SHANK2: variants seen among roughly 807,000 people sequenced by gnomAD.
SHANK2 encodes SH3 and multiple ankyrin repeat domains protein 2.
Under a neutral mutation model 133.7 loss-of-function variants are expected in SHANK2, and 43 were observed. The ratio of observed to expected loss-of-function variants is 0.32; its 90% CI spans 0.25 to 0.41. The LOEUF is 0.41. Among genes scored for constraint, SHANK2 ranks in the 10% least tolerant of loss-of-function variants. The pLI is 1.00. For synonymous variants in SHANK2, 1,017 were observed against 952.8 expected (o/e 1.07, Z -1.24); for missense variants, 1,994 against 2,235.8 (o/e 0.89, Z 2.18).
chr11:71,215,088 A>G (rs1954378153), intron 2 of SHANK2, among the ~76,000 whole-genome samples: 1 of 152,176 alleles, frequency 6.6e-6, no homozygotes, highest in South Asian at 2.1e-4. Flanking sequence ...CACAGCCCAC[A>G]CGCTCACACC....
chr11:70,612,256 G>A (rs1398524746), intron 17 of SHANK2, among the ~76,000 whole-genome samples: 1 of 152,194 alleles, frequency 6.6e-6, no homozygotes, highest in African/African-American at 2.4e-5. Flanking sequence ...CTGGGCAGGA[G>A]AGAATCAGGG....
rs138262285 is a variant in SHANK2 at position 70,913,702 on chromosome 11, T to C, written c.1108-17135A>G. ...AAAGAGAAGATTCTGAGTTTAGACGTTGGCTCTAAACCCTGCCCCAGACTT... is the reference window on the plus strand; with the variant it reads ...AAAGAGAAGATTCTGAGTTTAGACGCTGGCTCTAAACCCTGCCCCAGACTT... On this transcript the variant is annotated intron_variant, in intron 10 of 25. Transcript: ENST00000601538. 4.0e-4 allele frequency among the ~76,000 whole-genome samples: 61 copies of C among 152,326 alleles called. 1 individual carries two copies. Among genetic ancestry groups the C allele is most frequent in the African/African-American group, 1.4e-3 (59 of 41,574 alleles).
At chr11:70,708,467 C>T (rs1945712109) in intron 14 of SHANK2, among the ~76,000 whole-genome samples, 1 of 152,192 alleles carries the variant, frequency 6.6e-6, no homozygotes, top group Admixed American at 6.5e-5. Context: ...AGTCCCCGCA[C>T]TCCCCCACCA....
At chr11:70,683,441 G>A (rs781836544) in intron 15 of SHANK2, among the ~76,000 whole-genome samples, 1 of 152,168 alleles carries the variant, frequency 6.6e-6, no homozygotes, top group Non-Finnish European at 1.5e-5. Flanking sequence ...GCCTTCTACC[G>A]ATGGTGCATC....
intron 15 of SHANK2, 46 bp downstream of exon 15, chr11:70,698,642 A>G: frequency 1.4e-6 from 1 of 718,428 alleles, no homozygotes; most frequent in East Asian, 2.7e-5. Context: ...GCACAGACGA[A>G]CAGCTTTGAC....
In SHANK2 at chr11:70,937,975, G is replaced by C. The variant is rs80327584; in HGVS notation, c.1108-41408C>G. On this transcript the variant is annotated intron_variant, in intron 10 of 25. Transcript: ENST00000601538. ...TGTGTGTGTGTGTGCATGTGTGAGC[G>C]TGATCTATCTTATTCTCTCCAGTTC... Among the ~76,000 whole-genome samples, 425 of 152,226 alleles carry C rather than the reference G, an allele frequency of 2.8e-3. 12 individuals are homozygous for C. In the East Asian group the frequency reaches 0.074, roughly 26 times the overall value.
At chr11:70,543,800 C>T (rs1284975686) in intron 17 of SHANK2, among the ~76,000 whole-genome samples, 6 of 152,196 alleles carry the variant, frequency 3.9e-5, no homozygotes, top group African/African-American at 1.2e-4. Flanking sequence ...CTGCAAAGGA[C>T]GTGGGGCCCA....
chr11:70,582,556 G>A (rs1337718447), intron 17 of SHANK2, among the ~76,000 whole-genome samples: 8 of 152,196 alleles, frequency 5.3e-5, no homozygotes, highest in Admixed American at 3.3e-4. Context: ...GCTAGGCAGC[G>A]GGAGGATACG....
At chr11:70,911,022 G>A (rs568325699) in intron 10 of SHANK2, 1 of 457,020 alleles carries the variant, frequency 2.2e-6, no homozygotes. Context: ...GAAACGAAGG[G>A]GGTGCTCCTG....
chr11:71,158,481 C>T (rs1341699122), intron 2 of SHANK2, among the ~76,000 whole-genome samples: 9 of 152,140 alleles, frequency 5.9e-5, no homozygotes, highest in African/African-American at 9.7e-5. Flanking sequence ...AAGGTAGACC[C>T]AAATAAATGA....
chr11:70,885,470 G>A (rs1027446578), intron 11 of SHANK2, among the ~76,000 whole-genome samples: 4 of 152,230 alleles, frequency 2.6e-5, no homozygotes, highest in South Asian at 2.1e-4. Flanking sequence ...GAGTCAGTGC[G>A]GCCAGGGACT....
At chr11:70,744,994 G>A (rs1591807240) in intron 14 of SHANK2, among the ~76,000 whole-genome samples, 1 of 152,220 alleles carries the variant, frequency 6.6e-6, no homozygotes, top group African/African-American at 2.4e-5. Context: ...CACCACGGGG[G>A]ACACCGGCGC....
chr11:70,787,059 T>C (rs1591844106), intron 14 of SHANK2, among the ~76,000 whole-genome samples: 1 of 124,076 alleles, frequency 8.1e-6, no homozygotes, highest in African/African-American at 3.3e-5. Context: ...ACCATGAGCA[T>C]CACCATCAGC....
At chr11:70,664,290 C>T (rs1276716372) in intron 15 of SHANK2, among the ~76,000 whole-genome samples, 2 of 152,190 alleles carry the variant, frequency 1.3e-5, no homozygotes, top group East Asian at 3.9e-4. Context: ...GTCAGCCCAC[C>T]CCGGCCCCAT....
At chr11:70,911,771 G>A (rs1333955375) in intron 10 of SHANK2, among the ~76,000 whole-genome samples, 3 of 152,102 alleles carry the variant, frequency 2.0e-5, no homozygotes, top group Non-Finnish European at 4.4e-5. Context: ...AAAATGACAA[G>A]AGTGAGAATG....
intron 11 of SHANK2, among the ~76,000 whole-genome samples, chr11:70,857,356 T>C (rs1949188282): frequency 6.6e-6 from 1 of 152,106 alleles, no homozygotes; most frequent in African/African-American, 2.4e-5. Context: ...GGTGACCCGC[T>C]TTTCAAACAC....
intron 14 of SHANK2, among the ~76,000 whole-genome samples, chr11:70,711,308 C>A (rs1945777505): frequency 6.6e-6 from 1 of 152,192 alleles, no homozygotes; most frequent in African/African-American, 2.4e-5. Context: ...CTCCGAATCC[C>A]CCCAGTGCTG....
intron 11 of SHANK2, chr11:70,863,403 C>G (rs782079496): frequency 2.2e-6 from 1 of 457,838 alleles, no homozygotes; most frequent in African/African-American, 2.0e-5. Flanking sequence ...TCTGGACGAG[C>G]CCCAAGCATC....
intron 10 of SHANK2, chr11:70,933,277 T>A (rs1950526538): frequency 2.2e-6 from 1 of 455,110 alleles, no homozygotes; most frequent in African/African-American, 2.0e-5. Flanking sequence ...AAAAGATGAA[T>A]ACTGTAGGAT....
Sources: allele counts gnomAD v4.1 joint callset (sites outside exome capture counted in the v4.1 genomes callset), GRCh38; gene constraint gnomAD v4.1.1; transcripts MANE v1.5; gene names NCBI Gene and HGNC (gene_info 2026-07-23, HGNC 2026-07-21).